Variants in ANO1 observed in about 807,000 individuals in gnomAD.
The protein encoded by ANO1 is anoctamin 1, also known as anoctamin-1.
Under a neutral mutation model 124.0 loss-of-function variants are expected in ANO1, and 59 were observed. The observed-to-expected ratio is 0.48, with a 90% CI of 0.39 to 0.59. ANO1 has a LOEUF of 0.59. Among genes scored for constraint, ANO1 ranks in the 20% least tolerant of loss-of-function variants. ANO1 has a pLI of 0.00. For missense variants in ANO1, 1,059 were observed against 1,328.0 expected, an observed-to-expected ratio of 0.80 and a Z score of 3.15; for synonymous variants, 529 against 532.0, an observed-to-expected ratio of 0.99 and a Z score of 0.08.
At chr11:70,106,618 T>C (rs1248758243) in intron 5 of ANO1, among the ~76,000 whole-genome samples, 1 of 152,032 alleles carries the variant, frequency 6.6e-6, no homozygotes, top group Non-Finnish European at 1.5e-5. Context: ...AGGGCATCTC[T>C]CTCCCAGAGA....
At chr11:70,149,409 G>A in intron 11 of ANO1, 1 of 374,974 alleles carries the variant, frequency 2.7e-6, no homozygotes, top group Non-Finnish European at 5.1e-6. Flanking sequence ...CCCACACTTT[G>A]GGAGGCCAAG....
At chr11:70,095,410 GAAAGAAAGAAAGAAAGA>G (rs758210415) in intron 2 of ANO1, among the ~76,000 whole-genome samples, 10,764 of 57,742 alleles carry the variant, frequency 0.19, 2,122 homozygotes, top group Middle Eastern at 0.25. Flanking sequence ...AAGAAAGAAA[GAAAGAAAGAAAGAAAGA>G]AAAGAAAAGA....
chr11:70,085,319 C>G (rs1270829350), intron 1 of ANO1: 4 of 1,036,002 alleles, frequency 3.9e-6, no homozygotes, highest in Non-Finnish European at 5.2e-6. Context: ...CCCCACCCTT[C>G]CCCCTGAGCC....
At chr11:70,011,436 C>G (rs186503283) in intron 1 of ANO1, among the ~76,000 whole-genome samples, 8 of 152,312 alleles carry the variant, frequency 5.3e-5, no homozygotes, top group Non-Finnish European at 1.2e-4. Context: ...AGCCATGCTG[C>G]CAGTATGTGC....
At chr11:70,021,059 C>T (rs1856798374) in intron 1 of ANO1, 1 of 152,094 alleles carries the variant, frequency 6.6e-6, no homozygotes, top group South Asian at 2.1e-4. Flanking sequence ...ATTTCTTCTG[C>T]AAGGAAGAAT....
intron 1 of ANO1, among the ~76,000 whole-genome samples, chr11:70,040,775 G>A (rs1315877569): frequency 1.3e-5 from 2 of 152,240 alleles, no homozygotes; most frequent in Non-Finnish European, 2.9e-5. Context: ...AGGTCAATCA[G>A]AGCAGATGGA....
At chr11:70,147,966 G>A (rs1016107974) in intron 11 of ANO1, among the ~76,000 whole-genome samples, 7 of 152,160 alleles carry the variant, frequency 4.6e-5, no homozygotes, top group Admixed American at 2.6e-4. Context: ...TGGGGTCGGC[G>A]GGGGGTTCCT....
intron 5 of ANO1, among the ~76,000 whole-genome samples, chr11:70,106,777 C>G (rs184106907): frequency 9.6e-4 from 147 of 152,352 alleles, no homozygotes; most frequent in African/African-American, 3.5e-3. Context: ...GGAGAACTGA[C>G]AGCCCTTCCC....
intron 1 of ANO1, among the ~76,000 whole-genome samples, chr11:70,013,467 C>G (rs187716507): frequency 6.2e-4 from 95 of 152,074 alleles, no homozygotes; most frequent in African/African-American, 2.2e-3. Flanking sequence ...TATTGGTCAT[C>G]GAGGGCTGCC....
intron 23 of ANO1, 42 bp from the exon 24 acceptor site, chr11:70,182,460 C>T (rs2048963393): frequency 6.9e-7 from 1 of 1,457,832 alleles, no homozygotes; most frequent in Non-Finnish European, 9.1e-7. Context: ...CCCTTCTGCG[C>T]CCAGGCTGGG....
At chr11:70,017,453 C>T (rs1268733501) in intron 1 of ANO1, among the ~76,000 whole-genome samples, 2 of 151,308 alleles carry the variant, frequency 1.3e-5, no homozygotes, top group Non-Finnish European at 2.9e-5. Context: ...TTCATTCCTT[C>T]CTTCCTTCCT....
chr11:70,006,588 TTTCTTTCTTTCC>T (rs1169448140), intron 1 of ANO1, among the ~76,000 whole-genome samples: 1 of 151,454 alleles, frequency 6.6e-6, no homozygotes, highest in Non-Finnish European at 1.5e-5. Context: ...TCTTACTTAC[TTTCTTTCTTTCC>T]TTCTTTCTTT....
At chr11:70,151,098 G>A (rs2047584671) in intron 12 of ANO1, among the ~76,000 whole-genome samples, 1 of 152,206 alleles carries the variant, frequency 6.6e-6, no homozygotes, top group Non-Finnish European at 1.5e-5. Context: ...TGTGACCCCA[G>A]GCAAATTGCT....
intron 1 of ANO1, among the ~76,000 whole-genome samples, chr11:70,053,179 A>G (rs1441802109): frequency 2.0e-5 from 3 of 152,136 alleles, no homozygotes; most frequent in African/African-American, 7.2e-5. Flanking sequence ...TTTTAATTCC[A>G]ATAGTTCATC....
intron 2 of ANO1, among the ~76,000 whole-genome samples, chr11:70,101,082 G>A (rs770630852): frequency 5.9e-5 from 9 of 151,926 alleles, no homozygotes; most frequent in Admixed American, 3.3e-4. Context: ...CTTTTCTATC[G>A]GATCAGGAAG....
chr11:70,182,951 A>T (rs1041196359), intron 24 of ANO1, among the ~76,000 whole-genome samples: 3 of 152,074 alleles, frequency 2.0e-5, no homozygotes, highest in Admixed American at 1.3e-4. Context: ...TCTACAAAAA[A>T]TTTTTTAAAT....
intron 11 of ANO1, among the ~76,000 whole-genome samples, chr11:70,147,870 C>T (rs573944554): frequency 3.9e-5 from 6 of 152,192 alleles, no homozygotes; most frequent in Non-Finnish European, 8.8e-5. Flanking sequence ...TCTGGGTGGT[C>T]CCACCATCCC....
intron 2 of ANO1, among the ~76,000 whole-genome samples, chr11:70,101,630 T>C (rs1046553898): frequency 6.7e-6 from 1 of 148,206 alleles, no homozygotes; most frequent in Non-Finnish European, 1.5e-5. Context: ...TGACTTTGGC[T>C]TCATTGCTTT....
intron 1 of ANO1, among the ~76,000 whole-genome samples, chr11:70,001,799 T>G (rs1445403668): frequency 6.7e-6 from 1 of 150,156 alleles, no homozygotes; most frequent in Non-Finnish European, 1.5e-5. Context: ...GTGTGTGTGT[T>G]TTGTTTTTTG....
Sources: allele counts gnomAD v4.1 joint callset (sites outside exome capture counted in the v4.1 genomes callset), GRCh38; gene constraint gnomAD v4.1.1; transcripts MANE v1.5; gene names NCBI Gene and HGNC (gene_info 2026-07-23, HGNC 2026-07-21).